The following LIN28A variants were observed in gnomAD, a reference collection of about 807,000 sequenced individuals.
The protein encoded by LIN28A is lin-28 RNA binding posttranscriptional regulator A.
In LIN28A, 11 loss-of-function variants were observed where a neutral mutation model predicts 21.1. That is an observed-to-expected ratio of 0.52 (90% CI 0.33 to 0.86). The LOEUF is 0.86. Among genes scored for constraint, LIN28A ranks in the 40% least tolerant of loss-of-function variants. The pLI, the probability that LIN28A is intolerant of heterozygous loss-of-function variation, is 0.03. For missense variants in LIN28A, 219 were observed against 279.8 expected (o/e 0.78, Z 1.55); for synonymous variants, 111 against 108.7 (o/e 1.02, Z -0.13).
In LIN28A at chr1:26,426,413, A is replaced by T; in HGVS notation, c.585A>T (p.Glu195Asp). The change falls in exon 4 of 4, where the codon GAA becomes GAT. Residue 195 changes from glutamate to aspartate, a missense_variant. By Grantham distance (45) the Glu-to-Asp change is conservative. Transcript: ENST00000326279. ...QGKPTYFREE[E>D]EEIHSPTLLP... Reference sequence around the variant, plus strand: ...AGCCAACCTACTTTCGAGAGGAAGAAGAAGAAATCCACAGCCCTACCCTGC... The same window carrying T: ...AGCCAACCTACTTTCGAGAGGAAGATGAAGAAATCCACAGCCCTACCCTGC... The T allele has an allele frequency of 1.3e-5, 21 of 1,614,248 alleles. No homozygotes were observed. Among genetic ancestry groups the T allele is most frequent in the Non-Finnish European group, 1.8e-5 (21 of 1,180,038 alleles).
chr1:26,417,596 T>C (rs11581746), intron 2 of LIN28A, among the ~76,000 whole-genome samples: 20,552 of 152,190 alleles, frequency 0.14, 1,615 homozygotes, highest in Middle Eastern at 0.22. Context: ...TTGCCTCTTA[T>C]TGCGACTTTA....
chr1:26,420,313 G>A (rs1188908273), intron 2 of LIN28A, among the ~76,000 whole-genome samples: 1 of 152,048 alleles, frequency 6.6e-6, no homozygotes. Flanking sequence ...AACAGCGAGA[G>A]AGGTATTGCA....
At chr1:26,417,287 G>GC (rs1224860081) in intron 2 of LIN28A, among the ~76,000 whole-genome samples, 3 of 152,168 alleles carry the variant, frequency 2.0e-5, no homozygotes, top group Non-Finnish European at 4.4e-5. Flanking sequence ...GGGATTGGCT[G>GC]CCTGCAGCCT....
intron 2 of LIN28A, among the ~76,000 whole-genome samples, chr1:26,419,741 G>T (rs527704579): frequency 9.0e-4 from 137 of 152,206 alleles, no homozygotes; most frequent in Non-Finnish European, 1.8e-3. Context: ...GAGGGAACAG[G>T]CCATCAGACT....
chr1:26,416,996 A>G (rs1441271722), intron 2 of LIN28A, among the ~76,000 whole-genome samples: 1 of 151,768 alleles, frequency 6.6e-6, no homozygotes, highest in Non-Finnish European at 1.5e-5. Flanking sequence ...TTCTGGCCTA[A>G]AAGTCTAGGA....
At chr1:26,418,984 G>A (rs555513635) in intron 2 of LIN28A, among the ~76,000 whole-genome samples, 1 of 152,260 alleles carries the variant, frequency 6.6e-6, no homozygotes, top group African/African-American at 2.4e-5. Context: ...CTGACCACCA[G>A]AACCAGCCAG....
chr1:26,422,945 G>C (rs1034374737), intron 2 of LIN28A, among the ~76,000 whole-genome samples: 2 of 151,822 alleles, frequency 1.3e-5, no homozygotes, highest in African/African-American at 4.8e-5. Context: ...GTTTTTGTTT[G>C]TTTCTGAGAG....
chr1:26,416,610 C>G (rs532065328), intron 2 of LIN28A, among the ~76,000 whole-genome samples: 6 of 151,944 alleles, frequency 3.9e-5, no homozygotes, highest in Non-Finnish European at 1.5e-5. Context: ...AACATGATCT[C>G]ACCATCGAGG....
rs2074988414 is a variant in LIN28A at position 26,415,641 on chromosome 1, C to G, written c.228+4059C>G. 2.6e-5 allele frequency among the ~76,000 whole-genome samples: 4 copies of G among 151,776 alleles called. No homozygotes were observed. In the South Asian group the frequency reaches 8.3e-4, roughly 32 times the overall value. ...AGAGATCTTTGTTCAGAGAAAAAGA[C>G]TAGAGATACTGAGGGGTGTCAATTG... On this transcript the variant is annotated intron_variant, in intron 2 of 3. Coordinates refer to ENST00000326279, the MANE Select transcript of LIN28A (RefSeq NM_024674.6).
At chr1:26,418,672 T>C (rs577928634) in intron 2 of LIN28A, among the ~76,000 whole-genome samples, 2 of 152,280 alleles carry the variant, frequency 1.3e-5, no homozygotes, top group South Asian at 4.1e-4. Flanking sequence ...GGTCATGCCT[T>C]CTCTCCCCCT....
intron 2 of LIN28A, among the ~76,000 whole-genome samples, chr1:26,412,588 G>A (rs978223167): frequency 2.0e-5 from 3 of 152,114 alleles, no homozygotes; most frequent in Admixed American, 1.3e-4. Context: ...ACTGGATCTG[G>A]AAAGAAGAAA....
chr1:26,416,681 C>T (rs941730268), intron 2 of LIN28A, among the ~76,000 whole-genome samples: 1 of 151,918 alleles, frequency 6.6e-6, no homozygotes, highest in Admixed American at 6.6e-5. Context: ...GCAGTGGCGC[C>T]GTCTTAGCTC....
At chr1:26,418,772 A>T (rs889691233) in intron 2 of LIN28A, among the ~76,000 whole-genome samples, 3 of 152,106 alleles carry the variant, frequency 2.0e-5, no homozygotes, top group Non-Finnish European at 4.4e-5. Flanking sequence ...CTATCCATGA[A>T]GTGGGCAGTG....
chr1:26,417,249 T>C (rs2124290767), intron 2 of LIN28A, among the ~76,000 whole-genome samples: 1 of 152,338 alleles, frequency 6.6e-6, no homozygotes, highest in South Asian at 2.1e-4. Context: ...CTACAGGGCC[T>C]GGCTGTGGCT....
rs1200574619 is a variant in LIN28A, at chr1:26,425,381, G to T, written c.307G>T (p.Gly103Cys). 1 of 1,614,158 alleles carries T rather than the reference G, an allele frequency of 6.2e-7. No individual in the cohort carries two copies. Among genetic ancestry groups the T allele is most frequent in the Non-Finnish European group, 8.5e-7 (1 of 1,180,030 alleles). The change falls in exon 3 of 4, where the codon GGT becomes TGT. Residue 103 changes from glycine to cysteine, a missense_variant. By Grantham distance (159) the Gly-to-Cys change is radical (BLOSUM62 -3). Around this residue, in one of 3 missense-constraint regions of LIN28A, gnomAD observed 124 missense variants for 193.1 expected, o/e 0.64. Transcript: ENST00000326279. ...GTTCACCTTTAAGAAGTCAGCCAAG[G>T]GTCTGGAATCCATCCGTGTCACCGG... Reference protein sequence around the residue: ...VEFTFKKSAKGLESIRVTGPG... With the variant: ...VEFTFKKSAKCLESIRVTGPG...
At chr1:26,421,303 T>C (rs971981061) in intron 2 of LIN28A, among the ~76,000 whole-genome samples, 4 of 152,200 alleles carry the variant, frequency 2.6e-5, no homozygotes, top group African/African-American at 7.2e-5. Context: ...AGACTTTACG[T>C]TGTTCTTAAT....
intron 2 of LIN28A, among the ~76,000 whole-genome samples, chr1:26,418,003 G>GTTT (rs59199267): frequency 7.0e-6 from 1 of 142,896 alleles, no homozygotes; most frequent in Non-Finnish European, 1.5e-5. Flanking sequence ...CCTTTGTGTT[G>GTTT]TTTTTTTTTT....
chr1:26,417,797 A>G (rs1345715902), intron 2 of LIN28A, among the ~76,000 whole-genome samples: 4 of 152,242 alleles, frequency 2.6e-5, no homozygotes, highest in Admixed American at 2.0e-4. Context: ...TAGACATTCA[A>G]CAAATGCTTG....
At chr1:26,424,898 C>T (rs568597880) in intron 2 of LIN28A, among the ~76,000 whole-genome samples, 11 of 152,070 alleles carry the variant, frequency 7.2e-5, no homozygotes, top group South Asian at 4.2e-4. Context: ...CCCGCCACCA[C>T]GCCCAGCTAA....
Sources: gnomAD v4.1 joint callset for allele counts (sites outside exome capture counted in the v4.1 genomes callset) on GRCh38, gnomAD v4.1.1 for gene constraint, gnomAD v4.1.1 regional missense constraint, MANE v1.5 for transcripts, NCBI Gene and HGNC (gene_info 2026-07-23, HGNC 2026-07-21) for gene names.